Variants in ANKRD12 observed in about 807,000 individuals in gnomAD.
ANKRD12 encodes ankyrin repeat domain-containing protein 12.
Under a neutral mutation model 183.4 loss-of-function variants are expected in ANKRD12, and 85 were observed. That is an observed-to-expected ratio of 0.46 (90% confidence interval 0.39 to 0.56). The LOEUF is 0.56. Among genes scored for constraint, ANKRD12 ranks in the 20% least tolerant of loss-of-function variants. The pLI, the probability that ANKRD12 is intolerant of heterozygous loss-of-function variation, is 0.00. For missense variants in ANKRD12, 2,405 were observed against 2,357.1 expected (o/e 1.02, Z -0.42); for synonymous variants, 914 against 800.2 (o/e 1.14, Z -2.40).
rs1195634553 is a variant in ANKRD12, at chr18:9,284,080, ATATG to A, written c.*2957_*2960del. 6.6e-6 allele frequency: 1 copy of A among 152,248 alleles called. No homozygotes were observed. The highest frequency in any genetic ancestry group is 1.9e-4 in the East Asian group (1 of 5,206). 9.4% of individuals were successfully genotyped at this position (152,248 alleles called of 1,614,324 possible). A position where few individuals can be genotyped will look rare whatever the true frequency, so the allele number is the denominator to read the frequency against. On this transcript the variant is annotated 3_prime_UTR_variant, in exon 13 of 13. Transcript: ENST00000262126. ...GTGTGCAATAGCATTATGTCTAAAA[ATATG>A]TACATAAGTTTAAAAATATTTTATT...
chr18:9,205,308 T>G (rs1465219792), intron 4 of ANKRD12, among the ~76,000 whole-genome samples: 3 of 122,048 alleles, frequency 2.5e-5, no homozygotes, highest in Non-Finnish European at 5.7e-5. Context: ...TCTCTGAGCT[T>G]AAATAAAAAT....
chr18:9,144,239 A>G (rs1231191005), intron 1 of ANKRD12, among the ~76,000 whole-genome samples: 6 of 152,280 alleles, frequency 3.9e-5, no homozygotes, highest in Admixed American at 2.0e-4. Flanking sequence ...ATTGTATGCT[A>G]TTGTTTAAAG....
intron 8 of ANKRD12, among the ~76,000 whole-genome samples, chr18:9,251,301 C>A (rs543784796): frequency 3.3e-5 from 5 of 152,248 alleles, no homozygotes; most frequent in Non-Finnish European, 5.9e-5. Context: ...GGATACCATA[C>A]AAGAAAAGAT....
chr18:9,254,987 A>G lies in ANKRD12; in HGVS notation c.1720A>G (p.Met574Val), dbSNP rs377172519. The change falls in exon 9 of 13, where the codon ATG becomes GTG. Residue 574 changes from methionine (M) to valine (V), a missense_variant. By Grantham distance (21) the Met-to-Val change is conservative (BLOSUM62 1). Coordinates refer to ENST00000262126, the MANE Select transcript of ANKRD12 (RefSeq NM_015208.5). The stretch of plus-strand genomic sequence containing the variant: ...ATGTTTATCACCAGGAAGTTCTGAA[A>G]TGTCATTACAGCCTGATCTTGTTCG... ...KTCLSPGSSE[M>V]SLQPDLVRYD... is the part of the protein sequence containing the mutation. The G allele has an allele frequency of 1.4e-5, 23 of 1,608,820 alleles. No individual in the cohort carries two copies. In the African/African-American group the frequency reaches 1.6e-4, roughly 11 times the overall value.
chr18:9,146,831 GTATAT>G (rs763169658), intron 1 of ANKRD12, among the ~76,000 whole-genome samples: 3 of 152,288 alleles, frequency 2.0e-5, no homozygotes, highest in East Asian at 1.9e-4. Flanking sequence ...GAAATCTAGT[GTATAT>G]TATAAGAGGT....
At chr18:9,212,824 G>A (rs2035882809) in intron 6 of ANKRD12, among the ~76,000 whole-genome samples, 1 of 151,654 alleles carries the variant, frequency 6.6e-6, no homozygotes. Flanking sequence ...ATCTTAATTT[G>A]GATTTTCATG....
At chr18:9,244,978 C>T (rs1263379173) in intron 8 of ANKRD12, among the ~76,000 whole-genome samples, 10 of 152,056 alleles carry the variant, frequency 6.6e-5, no homozygotes, top group Admixed American at 5.9e-4. Flanking sequence ...GTTTTTGTGA[C>T]TTTCTACCAT....
intron 1 of ANKRD12, among the ~76,000 whole-genome samples, chr18:9,181,713 G>C (rs188964943): frequency 2.2e-4 from 34 of 152,186 alleles, no homozygotes; most frequent in Non-Finnish European, 3.5e-4. Flanking sequence ...AAAACCCCTT[G>C]GAATTTTTTC....
At chr18:9,242,781 CTTAAGAT>C in intron 8 of ANKRD12, among the ~76,000 whole-genome samples, 1 of 152,230 alleles carries the variant, frequency 6.6e-6, no homozygotes, top group South Asian at 2.1e-4. Flanking sequence ...TGCTTTTAGA[CTTAAGAT>C]ATTTTCAGCT....
intron 1 of ANKRD12, among the ~76,000 whole-genome samples, chr18:9,143,566 T>C (rs1361376273): frequency 6.6e-6 from 1 of 152,196 alleles, no homozygotes; most frequent in Non-Finnish European, 1.5e-5. Context: ...TTTCAAGCGA[T>C]TCTCCTGCCC....
chr18:9,240,806 T>C (rs2037616630), intron 8 of ANKRD12, among the ~76,000 whole-genome samples: 1 of 152,184 alleles, frequency 6.6e-6, no homozygotes, highest in African/African-American at 2.4e-5. Flanking sequence ...GAAATTACAG[T>C]AGTATGTTGT....
chr18:9,277,321 C>CTTTTTTTT (rs773999861), intron 11 of ANKRD12, among the ~76,000 whole-genome samples: 8 of 84,636 alleles, frequency 9.5e-5, no homozygotes, highest in Non-Finnish European at 1.4e-4. Flanking sequence ...CACCCTGTTT[C>CTTTTTTTT]TTTTTTTTTT....
In ANKRD12 at chr18:9,256,048, A is replaced by C. The variant is rs35889774; in HGVS notation, c.2781A>C (p.Glu927Asp). 2,866 of 1,562,572 alleles carry C rather than the reference A, an allele frequency of 1.8e-3. 40 individuals carry two copies. The African/African-American group carries it at 0.036, about 19-fold the overall frequency. Residue 927 changes from glutamate to aspartate, a missense_variant, in exon 9 of 13, where the codon GAA becomes GAC. Around this residue, in one of 7 missense-constraint regions of ANKRD12, gnomAD observed 1,983 missense variants for 1,725.9 expected, o/e 1.15. Transcript: ENST00000262126. ...AGAGGCATCTAGCAGAAAGCAAAGAAAAGCACTTGATGGAGAAAAAAAATA... is the reference window on the plus strand; with the variant it reads ...AGAGGCATCTAGCAGAAAGCAAAGACAAGCACTTGATGGAGAAAAAAAATA... The part of the protein sequence containing the change: ...EKERHLAESK[E>D]KHLMEKKNKQ...
rs777405550 is a variant in ANKRD12 at position 9,258,446 on chromosome 18, A to G, written c.5179A>G (p.Thr1727Ala). The change falls in exon 9 of 13, where the codon ACT becomes GCT. Residue 1727 changes from threonine (T) to alanine (A), a missense_variant. By Grantham distance (58) the Thr-to-Ala change is moderately conservative (BLOSUM62 0). Transcript: ENST00000262126. Reference sequence around the variant, plus strand: ...AGAAGAAAATGCCGAAGATGATAAAACTGAAAACCAAATCCCTCAAAGAAT... The same window carrying G: ...AGAAGAAAATGCCGAAGATGATAAAGCTGAAAACCAAATCCCTCAAAGAAT... ...ELEENAEDDKTENQIPQRMTR... is the reference protein window; with the variant it reads ...ELEENAEDDKAENQIPQRMTR... 3.8e-5 allele frequency: 62 copies of G among 1,613,736 alleles called. No individual in the cohort carries two copies. The highest frequency in any genetic ancestry group is 1.3e-4 in the Admixed American group (8 of 59,898).
At chr18:9,238,989 GC>G (rs2037504903) in intron 8 of ANKRD12, among the ~76,000 whole-genome samples, 1 of 152,128 alleles carries the variant, frequency 6.6e-6, no homozygotes, top group Non-Finnish European at 1.5e-5. Flanking sequence ...GGGCATGGTG[GC>G]ACGCACCAGG....
chr18:9,269,076 C>T (rs1282597893), intron 10 of ANKRD12, among the ~76,000 whole-genome samples: 1 of 152,042 alleles, frequency 6.6e-6, no homozygotes. Context: ...ATGTGAAGGA[C>T]CTCTTCAAGG....
intron 8 of ANKRD12, chr18:9,239,466 T>C (rs1442227240): frequency 1.6e-6 from 2 of 1,253,458 alleles, no homozygotes; most frequent in Non-Finnish European, 2.1e-6. Flanking sequence ...AGCTATGTAT[T>C]GATTTTTCAG....
chr18:9,272,741 T>C (rs2039664564), intron 10 of ANKRD12, among the ~76,000 whole-genome samples: 1 of 152,228 alleles, frequency 6.6e-6, no homozygotes, highest in African/African-American at 2.4e-5. Context: ...CACTTTAAAT[T>C]GTACTTAATA....
Position 9,257,087 on chromosome 18 carries a change from A to G in ANKRD12, c.3820A>G (p.Lys1274Glu). The G allele has an allele frequency of 6.2e-7, 1 of 1,614,136 alleles. No homozygotes were observed. The highest frequency in any genetic ancestry group is 8.5e-7 in the Non-Finnish European group (1 of 1,179,994). The change falls in exon 9 of 13, where the codon AAA (lysine) becomes GAA (glutamate). Residue 1274 changes from lysine to glutamate, a missense_variant. Coordinates refer to ENST00000262126, the MANE Select transcript of ANKRD12 (RefSeq NM_015208.5). ...CCTGGCTGACTTGCCGGAGCGGATT[A>G]AACCACCATATGCAAACAGACTTTC... is the stretch of plus-strand genomic sequence containing the variant. ...DSLADLPERI[K>E]PPYANRLSTS...
Sources: gnomAD v4.1 joint callset for allele counts (sites outside exome capture counted in the v4.1 genomes callset) on GRCh38, gnomAD v4.1.1 for gene constraint, gnomAD v4.1.1 regional missense constraint, MANE v1.5 for transcripts, NCBI Gene and HGNC (gene_info 2026-07-23, HGNC 2026-07-21) for gene names.